Variants in CYTH4 observed in about 807,000 individuals in gnomAD.
CYTH4 encodes cytohesin 4.
CYTH4 carries 22 observed loss-of-function variants against 57.5 expected under a neutral mutation model. The observed-to-expected ratio is 0.38, with a 90% confidence interval of 0.27 to 0.55. The LOEUF is 0.55. Ranked by LOEUF, CYTH4 falls within the 20% of genes least tolerant of loss-of-function variation. The pLI is 0.74. For missense variants in CYTH4, 420 were observed against 535.6 expected (o/e 0.78, Z 2.13); for synonymous variants, 186 against 206.5 (o/e 0.90, Z 0.85).
intron 4 of CYTH4, chr22:37,296,275 G>A: frequency 1.7e-6 from 1 of 596,816 alleles, no homozygotes; most frequent in Non-Finnish European, 2.9e-6. Context: ...GGGGCAGGAG[G>A]AGCCAGGAGC....
intron 1 of CYTH4, among the ~76,000 whole-genome samples, chr22:37,287,609 G>A (rs915883794): frequency 1.3e-5 from 2 of 151,912 alleles, no homozygotes; most frequent in Non-Finnish European, 1.5e-5. Flanking sequence ...CTGCCTCCCC[G>A]GCTGTCCCTG....
At chr22:37,312,246 T>C in intron 12 of CYTH4, 72 bp downstream of exon 12, 6 of 1,579,464 alleles carry the variant, frequency 3.8e-6, no homozygotes, top group Middle Eastern at 1.7e-4. Context: ...TGGGTCTTGC[T>C]TCCTTATCTG....
chr22:37,307,717 C>T (rs1370810112), intron 8 of CYTH4, among the ~76,000 whole-genome samples: 1 of 152,234 alleles, frequency 6.6e-6, no homozygotes, highest in Non-Finnish European at 1.5e-5. Context: ...CACACAAACA[C>T]AGCGAAAGGA....
intron 12 of CYTH4, 94 bp downstream of exon 12, chr22:37,312,268 A>C (rs1929676000): frequency 6.7e-7 from 1 of 1,496,132 alleles, no homozygotes; most frequent in Non-Finnish European, 9.1e-7. Context: ...AAAGGGGCTA[A>C]CTCCAGTCTC....
intron 8 of CYTH4, chr22:37,304,114 A>G (rs1433018387): frequency 2.2e-6 from 1 of 451,968 alleles, no homozygotes; most frequent in Non-Finnish European, 4.5e-6. Flanking sequence ...GGGGGCAGGG[A>G]AGGGTGCCAT....
intron 1 of CYTH4, among the ~76,000 whole-genome samples, chr22:37,286,658 G>A (rs12159515): frequency 0.018 from 2,769 of 152,202 alleles, 34 homozygotes; most frequent in African/African-American, 0.026. Flanking sequence ...AAGGAAGGGC[G>A]TTCTGGGTAC....
chr22:37,301,473 A>G (rs1260065577), intron 7 of CYTH4, among the ~76,000 whole-genome samples: 1 of 152,048 alleles, frequency 6.6e-6, no homozygotes, highest in Admixed American at 6.5e-5. Context: ...CAAAAGGGGC[A>G]TAGAAGGAGA....
At chr22:37,287,212 T>G (rs953431447) in intron 1 of CYTH4, among the ~76,000 whole-genome samples, 1 of 152,108 alleles carries the variant, frequency 6.6e-6, no homozygotes, top group Non-Finnish European at 1.5e-5. Context: ...AATGATTCCC[T>G]GGACCCTGAA....
chr22:37,314,409 G>A lies in CYTH4; in HGVS notation c.*898G>A. Reference sequence around the variant, plus strand: ...TCCCAGACAGATGGGACTCAAGCAGGATGGGTGCTATATCCAAGAAGCCAA... The same window carrying A: ...TCCCAGACAGATGGGACTCAAGCAGAATGGGTGCTATATCCAAGAAGCCAA... On this transcript the variant is annotated 3_prime_UTR_variant, in exon 13 of 13. Coordinates refer to ENST00000248901, the MANE Select transcript of CYTH4 (RefSeq NM_013385.5). 2.5e-6 allele frequency: 1 copy of A among 398,730 alleles called. No individual in the cohort carries two copies. Among genetic ancestry groups the A allele is most frequent in the Non-Finnish European group, 4.4e-6 (1 of 226,110 alleles). 24.7% of individuals were successfully genotyped at this position (398,730 alleles called of 1,614,324 possible).
At chr22:37,305,490 C>A (rs980877861) in intron 8 of CYTH4, among the ~76,000 whole-genome samples, 9 of 152,138 alleles carry the variant, frequency 5.9e-5, no homozygotes, top group African/African-American at 2.2e-4. Flanking sequence ...CCTCTCTGAG[C>A]CCCAGTTCAT....
intron 8 of CYTH4, among the ~76,000 whole-genome samples, chr22:37,308,353 G>A (rs977525931): frequency 1.2e-4 from 18 of 152,214 alleles, no homozygotes; most frequent in Admixed American, 9.2e-4. Flanking sequence ...GCATGTGTGT[G>A]TGGGCATGCA....
chr22:37,314,487 G>A lies in CYTH4; in HGVS notation c.*976G>A, dbSNP rs770152835. 5.0e-6 allele frequency: 2 copies of A among 398,668 alleles called. No individual in the cohort carries two copies. Among genetic ancestry groups the A allele is most frequent in the Non-Finnish European group, 4.4e-6 (1 of 226,104 alleles). 24.7% of individuals were successfully genotyped at this position (398,668 alleles called of 1,614,324 possible). ...AACAGGAGGGCTGCCTGGAGGCAGT[G>A]GCTGAGCCAGAAAGTAACACAGAGC... On this transcript the variant is annotated 3_prime_UTR_variant, in exon 13 of 13. Transcript: ENST00000248901.
Position 37,311,621 on chromosome 22 carries a change from G to A in CYTH4, c.957+94G>A. ...GAGGGCCTGAGGCTGGGCTCTCCAGGAAGCCAGGCTGTGCCCCTTACACCT... is the reference window on the plus strand; with the variant it reads ...GAGGGCCTGAGGCTGGGCTCTCCAGAAAGCCAGGCTGTGCCCCTTACACCT... On this transcript the variant is annotated intron_variant, in intron 11 of 12. Coordinates refer to ENST00000248901, the MANE Select transcript of CYTH4 (RefSeq NM_013385.5). The surrounding 1 kb of genome is among the most constrained non-coding windows in gnomAD (Gnocchi z 4.4). 1 of 1,309,984 alleles carries A rather than the reference G, an allele frequency of 7.6e-7. No individual in the cohort carries two copies. 81.1% of individuals were successfully genotyped at this position (1,309,984 alleles called of 1,614,324 possible).
intron 2 of CYTH4, 78 bp downstream of exon 2, chr22:37,292,781 C>A: frequency 2.1e-6 from 3 of 1,460,918 alleles, no homozygotes; most frequent in South Asian, 2.4e-5. Context: ...CAGCTCCTGA[C>A]CCAGCCTGGT....
rs970871638 is a variant in CYTH4 at position 37,311,851 on chromosome 22, G to C, written c.958-169G>C. On this transcript the variant is annotated intron_variant, in intron 11 of 12. Transcript: ENST00000248901. This position sits in a 1 kb window ranked among gnomAD's most constrained non-coding sequence, Gnocchi z 4.4. ...TTTAGGGAGGATGGTGGATTCAGGA[G>C]CCTGCCACAGAGAGAGTGCTCAGTG... 1 of 855,252 alleles carries C rather than the reference G, an allele frequency of 1.2e-6. No individual in the cohort carries two copies. The highest frequency in any genetic ancestry group is 2.8e-5 in the East Asian group (1 of 36,088). 53.0% of individuals were successfully genotyped at this position (855,252 alleles called of 1,614,324 possible).
chr22:37,312,672 C>T (rs556195710), intron 12 of CYTH4, among the ~76,000 whole-genome samples: 3 of 152,328 alleles, frequency 2.0e-5, no homozygotes, highest in Non-Finnish European at 2.9e-5. Context: ...CCACAGCCAC[C>T]GTGGTGAAGA....
At chr22:37,283,096 C>T (rs901327091) in intron 1 of CYTH4, among the ~76,000 whole-genome samples, 1 of 152,096 alleles carries the variant, frequency 6.6e-6, no homozygotes, top group Non-Finnish European at 1.5e-5. Flanking sequence ...TTGGTGATGG[C>T]GATGCTTGTC....
In CYTH4 at chr22:37,296,041, G is replaced by A. The variant is rs1391937826; in HGVS notation, c.210G>A (p.Lys70=). The change falls in exon 4 of 13, where the codon AAG becomes AAA. Residue 70 remains lysine, a synonymous_variant. Transcript: ENST00000248901. ...AGAAGGAGCTGTGTATTGGGCGCAA[G>A]AAGTTCAACATGGACCCCGCCAAGG... The part of the protein sequence containing the change: ...QKEKELCIGR[K]KFNMDPAKGI... The A allele has an allele frequency of 3.1e-6, 5 of 1,613,426 alleles. No homozygotes were observed. Among genetic ancestry groups the A allele is most frequent in the Non-Finnish European group, 4.2e-6 (5 of 1,179,668 alleles).
Position 37,312,187 on chromosome 22 carries a change from C to G in CYTH4, c.1112+13C>G. 1.9e-6 allele frequency: 3 copies of G among 1,611,476 alleles called. No individual in the cohort carries two copies. Among genetic ancestry groups the G allele is most frequent in the Non-Finnish European group, 2.5e-6 (3 of 1,177,748 alleles). ...TCGAGTCCATCCGGTAAGGGGTGCCCAGGTCTGGGGACGGCTTCCCGTCAC... is the reference window on the plus strand; with the variant it reads ...TCGAGTCCATCCGGTAAGGGGTGCCGAGGTCTGGGGACGGCTTCCCGTCAC... On this transcript the variant is annotated intron_variant, in intron 12 of 12. Coordinates refer to ENST00000248901, the MANE Select transcript of CYTH4 (RefSeq NM_013385.5).
Sources: gnomAD v4.1 joint callset for allele counts (sites outside exome capture counted in the v4.1 genomes callset) on GRCh38, gnomAD v4.1.1 for gene constraint, Gnocchi (gnomAD v3.1) non-coding constraint, MANE v1.5 for transcripts, NCBI Gene and HGNC (gene_info 2026-07-23, HGNC 2026-07-21) for gene names.